CCDC192: variants seen among roughly 807,000 people sequenced by gnomAD.
The protein encoded by CCDC192 is coiled-coil domain containing 192.
intron 2 of CCDC192, among the ~76,000 whole-genome samples, chr5:127,713,004 G>A (rs1751425476): frequency 6.6e-6 from 1 of 152,158 alleles, no homozygotes; most frequent in Non-Finnish European, 1.5e-5. Flanking sequence ...GGAGGCCGAG[G>A]TGGGCGGATC....
chr5:127,930,469 C>T (rs565960133), intron 6 of CCDC192, among the ~76,000 whole-genome samples: 1 of 152,296 alleles, frequency 6.6e-6, no homozygotes, highest in African/African-American at 2.4e-5. Context: ...GGCTGCTGGT[C>T]ACTGCATTCC....
intron 6 of CCDC192, among the ~76,000 whole-genome samples, chr5:127,900,431 T>C (rs1246454873): frequency 6.6e-6 from 1 of 152,216 alleles, no homozygotes; most frequent in African/African-American, 2.4e-5. Flanking sequence ...ATGTGGCCAG[T>C]TCACATTCCG....
chr5:127,737,654 T>C (rs1425335929), intron 2 of CCDC192, among the ~76,000 whole-genome samples: 2 of 151,922 alleles, frequency 1.3e-5, no homozygotes, highest in Non-Finnish European at 2.9e-5. Context: ...TTAGCTCTTC[T>C]TGTTGAATTG....
Position 127,857,191 on chromosome 5 carries a change from A to G in CCDC192, c.412-18347A>G, listed in dbSNP as rs563229228. On this transcript the variant is annotated intron_variant, in intron 5 of 6. Transcript: ENST00000514853. The stretch of plus-strand genomic sequence containing the variant: ...CAACAATAACACCCCACCTCACATG[A>G]ACACTTTTACCCACCTTACATCAGT... 1.2e-4 allele frequency among the ~76,000 whole-genome samples: 18 copies of G among 152,302 alleles called. 1 individual carries two copies. In the South Asian group the frequency reaches 3.3e-3, roughly 28 times the overall value.
intron 2 of CCDC192, among the ~76,000 whole-genome samples, chr5:127,748,902 C>T (rs1454461848): frequency 6.6e-6 from 1 of 150,474 alleles, no homozygotes; most frequent in African/African-American, 2.5e-5. Context: ...TGATTTGGCT[C>T]TCTGTTTGTC....
intron 5 of CCDC192, among the ~76,000 whole-genome samples, chr5:127,858,103 C>T (rs1253919269): frequency 6.6e-6 from 1 of 152,158 alleles, no homozygotes; most frequent in Non-Finnish European, 1.5e-5. Flanking sequence ...ATATACGAAA[C>T]ACCTAGAACA....
At chr5:127,761,283 A>G (rs1754916615) in intron 3 of CCDC192, among the ~76,000 whole-genome samples, 1 of 152,232 alleles carries the variant, frequency 6.6e-6, no homozygotes, top group South Asian at 2.1e-4. Flanking sequence ...AGAAGTGGGA[A>G]CACAGCAGTA....
chr5:127,870,459 A>T (rs1201200769), intron 5 of CCDC192, among the ~76,000 whole-genome samples: 1 of 152,266 alleles, frequency 6.6e-6, no homozygotes, highest in Non-Finnish European at 1.5e-5. Flanking sequence ...TGAAGTTGTC[A>T]TTGGAAAGAA....
At chr5:127,751,738 A>G (rs1172347699) in intron 2 of CCDC192, among the ~76,000 whole-genome samples, 1 of 152,150 alleles carries the variant, frequency 6.6e-6, no homozygotes, top group African/African-American at 2.4e-5. Context: ...TCTCCCCATC[A>G]CTTTCAGGTA....
intron 5 of CCDC192, among the ~76,000 whole-genome samples, chr5:127,825,521 A>C (rs1039400958): frequency 1.3e-5 from 2 of 152,198 alleles, no homozygotes; most frequent in African/African-American, 4.8e-5. Flanking sequence ...ATATCCCTCC[A>C]TTCATGGCAT....
chr5:127,728,130 A>C (rs1410194317), intron 2 of CCDC192, among the ~76,000 whole-genome samples: 1 of 152,220 alleles, frequency 6.6e-6, no homozygotes, highest in Non-Finnish European at 1.5e-5. Flanking sequence ...TCAAGATATC[A>C]TCCAGGAGAA....
rs141554920 is a variant in CCDC192 at position 127,863,342 on chromosome 5, G to C, written c.412-12196G>C. On this transcript the variant is annotated intron_variant, in intron 5 of 6. Transcript: ENST00000514853. ...CAGCTTTAAACAGGAAGGAAATGCT[G>C]ACACATAGTACAACATAAATAAAGT... Among the ~76,000 whole-genome samples the C allele has an allele frequency of 3.9e-5, 6 of 152,182 alleles. 1 individual carries two copies. The highest frequency in any genetic ancestry group is 1.3e-4 in the Admixed American group (2 of 15,272).
At chr5:127,835,671 T>A (rs1367111268) in intron 5 of CCDC192, among the ~76,000 whole-genome samples, 1 of 152,092 alleles carries the variant, frequency 6.6e-6, no homozygotes, top group Non-Finnish European at 1.5e-5. Flanking sequence ...AGCAAGCATG[T>A]CTTTCATGGT....
intron 3 of CCDC192, chr5:127,784,864 C>T: frequency 4.4e-6 from 2 of 454,314 alleles, no homozygotes; most frequent in South Asian, 3.6e-5. Context: ...CTTGTTCCTG[C>T]TTCTGTTCAG....
intron 5 of CCDC192, among the ~76,000 whole-genome samples, chr5:127,811,458 T>C (rs770708123): frequency 2.6e-5 from 4 of 152,166 alleles, no homozygotes; most frequent in African/African-American, 4.8e-5. Flanking sequence ...GGGATTTTTT[T>C]TAGAGGGTTG....
intron 2 of CCDC192, among the ~76,000 whole-genome samples, chr5:127,717,451 A>C (rs1290462506): frequency 7.0e-6 from 1 of 143,570 alleles, no homozygotes; most frequent in African/African-American, 2.6e-5. Flanking sequence ...ATTTTGGCTC[A>C]AGCAGTGCAT....
At chr5:127,842,167 C>T (rs938150972) in intron 5 of CCDC192, among the ~76,000 whole-genome samples, 10 of 152,228 alleles carry the variant, frequency 6.6e-5, no homozygotes, top group African/African-American at 2.4e-4. Context: ...GGACCCACAC[C>T]TGGTTTGATG....
At chr5:127,822,173 T>G (rs1344465772) in intron 5 of CCDC192, among the ~76,000 whole-genome samples, 1 of 152,194 alleles carries the variant, frequency 6.6e-6, no homozygotes, top group Admixed American at 6.5e-5. Context: ...TTTGCCCTTC[T>G]CAGAGCGAAG....
chr5:127,739,564 G>C (rs989436632), intron 2 of CCDC192: 4 of 156,734 alleles, frequency 2.6e-5, no homozygotes, highest in Non-Finnish European at 5.6e-5. Flanking sequence ...TCAGACTGCT[G>C]TGCTAGCAGT....
Sources: gnomAD v4.1 joint callset for allele counts (sites outside exome capture counted in the v4.1 genomes callset) on GRCh38, gnomAD v4.1.1 for gene constraint, MANE v1.5 for transcripts, NCBI Gene and HGNC (gene_info 2026-07-23, HGNC 2026-07-21) for gene names.